Variants in NKIRAS2 observed in about 807,000 individuals in gnomAD.
NKIRAS2 encodes NFKB inhibitor interacting Ras like 2, also known as NF-kappa-B inhibitor-interacting Ras-like protein 2.
A neutral mutation model predicts 20.7 loss-of-function variants in NKIRAS2; 15 were observed. That is an observed-to-expected ratio of 0.73 (90% CI 0.49 to 1.12). NKIRAS2 has a LOEUF of 1.12. Among genes scored for constraint, NKIRAS2 ranks in the 50% most tolerant of loss-of-function variants. The probability of loss-of-function intolerance (pLI) is 0.00; values close to 1 mark genes in which losing one functional copy is unlikely to be tolerated. For missense variants in NKIRAS2, 196 were observed against 249.6 expected (o/e 0.79, Z 1.45); for synonymous variants, 116 against 101.4 (o/e 1.14, Z -0.87).
upstream of NKIRAS2, among the ~76,000 whole-genome samples, chr17:42,018,977 G>A (rs1271731195): frequency 6.6e-5 from 10 of 152,142 alleles, no homozygotes; most frequent in Non-Finnish European, 1.3e-4. Context: ...CCTAAATTCC[G>A]TATCTTGTTA....
At chr17:42,019,617 A>G (rs1555652657), upstream of NKIRAS2, among the ~76,000 whole-genome samples, 1 of 151,858 alleles carries the variant, frequency 6.6e-6, no homozygotes, top group African/African-American at 2.4e-5. Flanking sequence ...ACCCTAGAAC[A>G]CCCTTTCCCC....
chr17:42,021,931 C>T (rs781783064), intron 2 of NKIRAS2: 15 of 651,838 alleles, frequency 2.3e-5, no homozygotes, highest in Middle Eastern at 2.7e-4. Context: ...GTCCATTGGC[C>T]GGGTGCGGTG....
At chr17:42,020,353 G>A (rs1202097545) in intron 1 of NKIRAS2, 149 bp downstream of exon 1, 2 of 152,508 alleles carry the variant, frequency 1.3e-5, no homozygotes, top group African/African-American at 4.8e-5. Flanking sequence ...CCACTCTTAT[G>A]GTGTCCTTTA....
At chr17:42,020,385 G>A (rs2052412116) in intron 1 of NKIRAS2, 181 bp downstream of exon 1, 1 of 152,518 alleles carries the variant, frequency 6.6e-6, no homozygotes, top group East Asian at 1.9e-4. Context: ...GCTATATGGA[G>A]AGGGGGTCTG....
In NKIRAS2 at chr17:42,021,822, A is replaced by G. The variant is rs374893090; in HGVS notation, c.94+151A>G. 108 of 799,134 alleles carry G rather than the reference A, an allele frequency of 1.4e-4. No individual in the cohort carries two copies. The East Asian group carries it at 2.5e-3, about 19-fold the overall frequency. The allele number at this position is 799,134 out of a possible 1,614,324, so 49.5% of individuals were successfully genotyped here. Reference sequence around the variant, plus strand: ...CATTGTAACAGATCAACTCTACAACACTGAACAAATACGGAGGGAGAAAGC... The same window carrying G: ...CATTGTAACAGATCAACTCTACAACGCTGAACAAATACGGAGGGAGAAAGC... On this transcript the variant is annotated intron_variant, in intron 2 of 3. Transcript: ENST00000393885.
At chr17:42,021,270 C>T (rs2052440756) in intron 1 of NKIRAS2, 1 of 300,934 alleles carries the variant, frequency 3.3e-6, no homozygotes, top group Non-Finnish European at 6.5e-6. Flanking sequence ...TGCCCTGTGA[C>T]AGATACTGGC....
At chr17:42,018,842 C>T (rs1004644017), upstream of NKIRAS2, among the ~76,000 whole-genome samples, 6 of 152,162 alleles carry the variant, frequency 3.9e-5, no homozygotes, top group East Asian at 1.2e-3. Context: ...ATCCAACTAT[C>T]TACTGGATAT....
chr17:42,021,465 GGTTTTT>G, intron 1 of NKIRAS2, 93 bp from the exon 2 acceptor site: 7 of 931,488 alleles, frequency 7.5e-6, no homozygotes, highest in Non-Finnish European at 1.0e-5. Context: ...CTGTTTTTTT[GGTTTTT>G]GTTTTTGTCC....
intron 1 of NKIRAS2, chr17:42,020,577 G>A (rs2052418992): frequency 6.6e-6 from 1 of 152,218 alleles, no homozygotes; most frequent in Non-Finnish European, 1.5e-5. Flanking sequence ...TCTCTTTTGT[G>A]TCTGTCAGTC....
chr17:42,023,122 GC>G, intron 3 of NKIRAS2: 1 of 330,426 alleles, frequency 3.0e-6, no homozygotes, highest in South Asian at 2.2e-5. Flanking sequence ...TCCTGCCTCA[GC>G]CCCCTGCTAA....
chr17:42,023,028 G>A (rs1034373884), intron 3 of NKIRAS2: 19 of 301,510 alleles, frequency 6.3e-5, no homozygotes, highest in Middle Eastern at 1.2e-3. Flanking sequence ...TTTGAGACAG[G>A]GTCTCACTCT....
intron 2 of NKIRAS2, 99 bp from the exon 3 acceptor site, chr17:42,022,300 A>T: frequency 7.7e-7 from 1 of 1,299,220 alleles, no homozygotes; most frequent in Non-Finnish European, 1.1e-6. Context: ...TCAGCCCCCT[A>T]CATTCCTTTC....
upstream of NKIRAS2, among the ~76,000 whole-genome samples, chr17:42,017,983 T>G (rs2052353220): frequency 6.6e-6 from 1 of 152,098 alleles, no homozygotes; most frequent in African/African-American, 2.4e-5. Flanking sequence ...CCTGCGCCTT[T>G]CATCCACTCC....
Position 42,025,641 on chromosome 17 carries a change from A to C in NKIRAS2, c.*1748A>C, listed in dbSNP as rs1370890246. On this transcript the variant is annotated 3_prime_UTR_variant, in exon 4 of 4. Transcript: ENST00000393885. ...AATAAAACCACAATTGTTATCAAAAAGTTTCCCTCCCCTCCCCCTTTTTCT... is the reference window on the plus strand; with the variant it reads ...AATAAAACCACAATTGTTATCAAAACGTTTCCCTCCCCTCCCCCTTTTTCT... 3 of 152,610 alleles carry C rather than the reference A, an allele frequency of 2.0e-5. No individual in the cohort carries two copies. Among genetic ancestry groups the C allele is most frequent in the African/African-American group, 7.2e-5 (3 of 41,420 alleles). The allele number at this position is 152,610 out of a possible 1,614,324, so 9.5% of individuals were successfully genotyped here. A position where few individuals can be genotyped will look rare whatever the true frequency, so the allele number is the denominator to read the frequency against.
At chr17:42,019,831 T>C (rs1158316742), upstream of NKIRAS2, among the ~76,000 whole-genome samples, 1 of 152,236 alleles carries the variant, frequency 6.6e-6, no homozygotes, top group Non-Finnish European at 1.5e-5. Flanking sequence ...GACGAATAAA[T>C]GATTGAGTAA....
chr17:42,019,719 G>A (rs2052394486), upstream of NKIRAS2, among the ~76,000 whole-genome samples: 1 of 152,182 alleles, frequency 6.6e-6, no homozygotes, highest in African/African-American at 2.4e-5. Context: ...AGCTTCTCTA[G>A]ACCGTGAGTT....
At chr17:42,022,336 C>T (rs782036963) in intron 2 of NKIRAS2, 63 bp from the exon 3 acceptor site, 9 of 1,516,650 alleles carry the variant, frequency 5.9e-6, no homozygotes, top group Middle Eastern at 1.8e-4. Context: ...CCTTAAGATG[C>T]TCTCATCACT....
chr17:42,024,202 C>T lies in NKIRAS2; in HGVS notation c.*309C>T. ...CTGCCCCAGACAGGAAGCAGAGTCACCACGCAGCAGTGTCCCTTCTTGGGT... is the reference window on the plus strand; with the variant it reads ...CTGCCCCAGACAGGAAGCAGAGTCATCACGCAGCAGTGTCCCTTCTTGGGT... On this transcript the variant is annotated 3_prime_UTR_variant, in exon 4 of 4. Transcript: ENST00000393885. 2.6e-6 allele frequency: 1 copy of T among 385,030 alleles called. No individual in the cohort carries two copies. The highest frequency in any genetic ancestry group is 4.9e-6 in the Non-Finnish European group (1 of 206,136). The allele number at this position is 385,030 out of a possible 1,614,324, so 23.9% of individuals were successfully genotyped here. A position where few individuals can be genotyped will look rare whatever the true frequency, so the allele number is the denominator to read the frequency against.
chr17:42,017,602 G>T (rs35468867), upstream of NKIRAS2: 356 of 713,394 alleles, frequency 5.0e-4, 2 homozygotes, highest in African/African-American at 5.9e-3. Flanking sequence ...CTCCGCGCCG[G>T]GGCGGGAGCC....
Sources: allele counts gnomAD v4.1 joint callset (sites outside exome capture counted in the v4.1 genomes callset), GRCh38; gene constraint gnomAD v4.1.1; transcripts MANE v1.5; gene names NCBI Gene and HGNC (gene_info 2026-07-23, HGNC 2026-07-21).